The following CCDC43 variants were observed in gnomAD, a reference collection of about 807,000 sequenced individuals.
CCDC43 encodes the protein coiled-coil domain-containing protein 43.
Under a neutral mutation model 33.3 loss-of-function variants are expected in CCDC43, and 20 were observed. The observed-to-expected ratio is 0.60, with a 90% CI of 0.42 to 0.87. The LOEUF is 0.87. Ranked by LOEUF, CCDC43 falls within the 40% of genes least tolerant of loss-of-function variation. The pLI is 0.00. For missense variants in CCDC43, 248 were observed against 269.9 expected (o/e 0.92, Z 0.57); for synonymous variants, 104 against 106.5 (o/e 0.98, Z 0.14).
chr17:44,679,163 G>A, intron 4 of CCDC43, 120 bp from the exon 5 acceptor site: 1 of 627,686 alleles, frequency 1.6e-6, no homozygotes, highest in Non-Finnish European at 2.5e-6. Flanking sequence ...ATCTATTCCT[G>A]GTTTTTTAAA....
chr17:44,688,179 G>T (rs563455512), intron 1 of CCDC43: 1 of 152,048 alleles, frequency 6.6e-6, no homozygotes, highest in East Asian at 1.9e-4. Context: ...TTGAGACAGG[G>T]TCACTCTGTC....
Position 44,689,603 on chromosome 17 carries a change from C to T in CCDC43, c.151G>A (p.Glu51Lys). 1 of 1,614,012 alleles carries T rather than the reference C, an allele frequency of 6.2e-7. No homozygotes were observed. Among genetic ancestry groups the T allele is most frequent in the South Asian group, 1.1e-5 (1 of 91,084 alleles). ...GCGTCCAGCTTCTCTTCTTCCTCCT[C>T]CTCCTGCAGGATACCCAAGATGTAG... ...GAYILGILQE[E>K]EEEEKLDALQ... Residue 51 changes from glutamate to lysine, a missense_variant, in exon 1 of 5, where the codon GAG becomes AAG. By Grantham distance (56) the Glu-to-Lys change is moderately conservative (BLOSUM62 1). Coordinates refer to ENST00000315286, the MANE Select transcript of CCDC43 (RefSeq NM_144609.3).
Position 44,689,629 on chromosome 17 carries a change from G to C in CCDC43, c.125C>G (p.Ala42Gly), listed in dbSNP as rs746834573. 11 of 1,613,834 alleles carry C rather than the reference G, an allele frequency of 6.8e-6. No individual in the cohort carries two copies. Among genetic ancestry groups the C allele is most frequent in the Admixed American group, 1.7e-5 (1 of 59,982 alleles). Residue 42 changes from alanine (A) to glycine (G), a missense_variant, in exon 1 of 5, where the codon GCC becomes GGC. Coordinates refer to ENST00000315286, the MANE Select transcript of CCDC43 (RefSeq NM_144609.3). Reference protein sequence around the residue: ...ALGVDRAVYGAYILGILQEEE... With the variant: ...ALGVDRAVYGGYILGILQEEE... ...CTCCTGCAGGATACCCAAGATGTAG[G>C]CTCCATAAACGGCTCGGTCCACTCC...
Position 44,682,132 on chromosome 17 carries a change from A to G in CCDC43, c.299T>C (p.Val100Ala). 1 of 1,613,966 alleles carries G rather than the reference A, an allele frequency of 6.2e-7. No homozygotes were observed. Among genetic ancestry groups the G allele is most frequent in the Non-Finnish European group, 8.5e-7 (1 of 1,179,874 alleles). The change falls in exon 3 of 5, where the codon GTA becomes GCA. Residue 100 changes from valine to alanine, a missense_variant. Physicochemically the swap from Val to Ala is moderately conservative, Grantham distance 64. Coordinates refer to ENST00000315286, the MANE Select transcript of CCDC43 (RefSeq NM_144609.3). ...VVTKVKKEDE[V>A]QAIATLIEKQ... ...CTCAATTAGGGTGGCAATGGCCTGT[A>G]CTTCATCTGGGAGGTGGTGGAAGGA... is the stretch of plus-strand genomic sequence containing the variant.
intron 4 of CCDC43, among the ~76,000 whole-genome samples, chr17:44,679,994 T>G (rs1359196242): frequency 6.6e-6 from 1 of 152,128 alleles, no homozygotes; most frequent in Non-Finnish European, 1.5e-5. Flanking sequence ...TATTATTTTT[T>G]GAGACACAGT....
Position 44,689,622 on chromosome 17 carries a change from G to A in CCDC43, c.132C>T (p.Ile44=), listed in dbSNP as rs1449396354. ...GVDRAVYGAY[I]LGILQEEEEE... is the part of the protein sequence containing the mutation. The stretch of plus-strand genomic sequence containing the variant: ...CCTCCTCCTCCTGCAGGATACCCAA[G>A]ATGTAGGCTCCATAAACGGCTCGGT... Residue 44 remains isoleucine (I), a synonymous_variant, in exon 1 of 5, where the codon ATC becomes ATT. Transcript: ENST00000315286. 1 of 1,614,012 alleles carries A rather than the reference G, an allele frequency of 6.2e-7. No homozygotes were observed. The highest frequency in any genetic ancestry group is 1.7e-5 in the Admixed American group (1 of 60,014).
Position 44,689,612 on chromosome 17 carries a change from G to A in CCDC43, c.142C>T (p.Leu48=), listed in dbSNP as rs773182969. The A allele has an allele frequency of 6.2e-7, 1 of 1,613,970 alleles. No homozygotes were observed. Among genetic ancestry groups the A allele is most frequent in the Non-Finnish European group, 8.5e-7 (1 of 1,179,876 alleles). ...AVYGAYILGI[L]QEEEEEEKLD... ...TTCTCTTCTTCCTCCTCCTCCTGCA[G>A]GATACCCAAGATGTAGGCTCCATAA... The change falls in exon 1 of 5, where the codon CTG becomes TTG. Residue 48 remains leucine, a synonymous_variant. Transcript: ENST00000315286.
intron 1 of CCDC43, among the ~76,000 whole-genome samples, chr17:44,685,181 T>C (rs1253177567): frequency 6.6e-6 from 1 of 152,206 alleles, no homozygotes; most frequent in African/African-American, 2.4e-5. Context: ...ATCAACAATC[T>C]TCCCTTTTCC....
At position 44,683,856 on chromosome 17, in the gene CCDC43, G is replaced by A. The variant is rs1290496923; in HGVS notation, c.292+16C>T. ...GAAAAGGCTCAGGAAGTTAAACACA[G>A]AAACTCTGACTCTACCTTCTTTTTT... On this transcript the variant is annotated intron_variant, in intron 2 of 4. Transcript: ENST00000315286. The A allele has an allele frequency of 6.3e-7, 1 of 1,584,158 alleles. No individual in the cohort carries two copies. Among genetic ancestry groups the A allele is most frequent in the East Asian group, 2.2e-5 (1 of 44,750 alleles).
In CCDC43 at chr17:44,689,666, A is replaced by G; in HGVS notation, c.88T>C (p.Leu30=). 2 of 1,613,086 alleles carry G rather than the reference A, an allele frequency of 1.2e-6. No homozygotes were observed. The highest frequency in any genetic ancestry group is 2.2e-5 in the South Asian group (2 of 90,952). The change falls in exon 1 of 5, where the codon TTG becomes CTG. Residue 30 remains leucine (L), a synonymous_variant. Coordinates refer to ENST00000315286, the MANE Select transcript of CCDC43 (RefSeq NM_144609.3). The part of the protein sequence containing the change: ...GGFGSWLDGR[L]EALGVDRAVY... ...GCTCGGTCCACTCCCAGTGCCTCCAACCGTCCGTCCAGCCAGGAGCCAAAG... is the reference window on the plus strand; with the variant it reads ...GCTCGGTCCACTCCCAGTGCCTCCAGCCGTCCGTCCAGCCAGGAGCCAAAG...
chr17:44,685,137 T>C (rs1164399618), intron 1 of CCDC43, among the ~76,000 whole-genome samples: 2 of 152,180 alleles, frequency 1.3e-5, no homozygotes, highest in Non-Finnish European at 2.9e-5. Flanking sequence ...CTAAAGTATA[T>C]TCCTTCTGTC....
Position 44,677,763 on chromosome 17 carries a change from G to C in CCDC43, c.*1093C>G, listed in dbSNP as rs1972098613. On this transcript the variant is annotated 3_prime_UTR_variant, in exon 5 of 5. Coordinates refer to ENST00000315286, the MANE Select transcript of CCDC43 (RefSeq NM_144609.3). ...TACAAAAACAGACTGGGCCAAATTC[G>C]GCCCGTGGGCAGTAGTTTGCCAACC... 1 of 151,938 alleles carries C rather than the reference G, an allele frequency of 6.6e-6. No individual in the cohort carries two copies. Among genetic ancestry groups the C allele is most frequent in the South Asian group, 2.1e-4 (1 of 4,818 alleles). The allele number at this position is 151,938 out of a possible 1,614,324, so 9.4% of individuals were successfully genotyped here.
At chr17:44,683,749 T>C (rs1972195205) in intron 2 of CCDC43, 123 bp downstream of exon 2, 1 of 662,934 alleles carries the variant, frequency 1.5e-6, no homozygotes, top group Non-Finnish European at 2.7e-6. Flanking sequence ...TGTTTGCCAG[T>C]GTACACTATC....
intron 4 of CCDC43, among the ~76,000 whole-genome samples, chr17:44,680,089 C>G (rs1972136255): frequency 6.6e-6 from 1 of 151,840 alleles, no homozygotes; most frequent in African/African-American, 2.4e-5. Flanking sequence ...GTGATTCTCC[C>G]ACCTCAGCCT....
intron 4 of CCDC43, 59 bp downstream of exon 4, chr17:44,680,526 A>G: frequency 7.8e-7 from 1 of 1,275,892 alleles, no homozygotes; most frequent in Non-Finnish European, 1.1e-6. Flanking sequence ...CAGCAAAATA[A>G]AAACTGATCT....
In CCDC43 at chr17:44,678,801, C is replaced by T; in HGVS notation, c.*55G>A. 4 of 1,523,534 alleles carry T rather than the reference C, an allele frequency of 2.6e-6. No individual in the cohort carries two copies. The highest frequency in any genetic ancestry group is 3.6e-6 in the Non-Finnish European group (4 of 1,125,790). The allele number at this position is 1,523,534 out of a possible 1,614,324, so 94.4% of individuals were successfully genotyped here. A position where few individuals can be genotyped will look rare whatever the true frequency, so the allele number is the denominator to read the frequency against. On this transcript the variant is annotated 3_prime_UTR_variant, in exon 5 of 5. Coordinates refer to ENST00000315286, the MANE Select transcript of CCDC43 (RefSeq NM_144609.3). ...TGCACTCTCATTTCTCTTAAATACA[C>T]AACCAGTTCTCCCTTTGATAAGTTC...
At position 44,678,691 on chromosome 17, in the gene CCDC43, G is replaced by A; in HGVS notation, c.*165C>T. 1.4e-6 allele frequency: 1 copy of A among 690,922 alleles called. No individual in the cohort carries two copies. The highest frequency in any genetic ancestry group is 2.4e-6 in the Non-Finnish European group (1 of 421,398). 42.8% of individuals were successfully genotyped at this position (690,922 alleles called of 1,614,324 possible). A position where few individuals can be genotyped will look rare whatever the true frequency, so the allele number is the denominator to read the frequency against. On this transcript the variant is annotated 3_prime_UTR_variant, in exon 5 of 5. Coordinates refer to ENST00000315286, the MANE Select transcript of CCDC43 (RefSeq NM_144609.3). Reference sequence around the variant, plus strand: ...TCTGATTGCCCACCCCACCAAAACAGCACATTTTGTAATTAGAAGTGATTT... The same window carrying A: ...TCTGATTGCCCACCCCACCAAAACAACACATTTTGTAATTAGAAGTGATTT...
intron 1 of CCDC43, among the ~76,000 whole-genome samples, chr17:44,685,942 C>T (rs996941908): frequency 2.0e-5 from 3 of 151,870 alleles, no homozygotes; most frequent in Non-Finnish European, 4.4e-5. Flanking sequence ...GAGACGGAGT[C>T]TCGCTCTGTT....
intron 1 of CCDC43, 54 bp from the exon 2 acceptor site, chr17:44,684,013 G>C: frequency 8.6e-7 from 1 of 1,166,130 alleles, no homozygotes; most frequent in East Asian, 2.3e-5. Context: ...AAAAACAATA[G>C]TAACCTCAAA....
Sources: gnomAD v4.1 joint callset for allele counts (sites outside exome capture counted in the v4.1 genomes callset) on GRCh38, gnomAD v4.1.1 for gene constraint, MANE v1.5 for transcripts, NCBI Gene and HGNC (gene_info 2026-07-23, HGNC 2026-07-21) for gene names.